Variants in LRIG2 observed in about 807,000 individuals in gnomAD.
LRIG2 encodes the protein leucine-rich repeats and immunoglobulin-like domains protein 2.
LRIG2 carries 93 observed loss-of-function variants against 107.8 expected under a neutral mutation model. The observed-to-expected ratio is 0.86, with a 90% CI of 0.73 to 1.03. LRIG2 has a LOEUF of 1.03. Ranked by LOEUF, LRIG2 falls within the 50% of genes least tolerant of loss-of-function variation. The pLI is 0.00. For synonymous variants in LRIG2, 471 were observed against 470.6 expected, an observed-to-expected ratio of 1.00 and a Z score of -0.01; for missense variants, 1,226 against 1,296.0, an observed-to-expected ratio of 0.95 and a Z score of 0.83.
chr1:113,130,952 GAC>G lies in LRIG2; in HGVS notation c.*6855_*6856del, dbSNP rs1404745001. On this transcript the variant is annotated 3_prime_UTR_variant, in exon 18 of 18. Transcript: ENST00000361127. ...TACTCGATTACTTTTATTTTTTTAAGACACAGTCTCGCTTATTGCCCCGGCTG... is the reference window on the plus strand; with the variant it reads ...TACTCGATTACTTTTATTTTTTTAAGACAGTCTCGCTTATTGCCCCGGCTG... 3 of 48,972 alleles carry G rather than the reference GAC, an allele frequency of 6.1e-5. No individual in the cohort carries two copies. The highest frequency in any genetic ancestry group is 1.2e-4 in the Non-Finnish European group (3 of 25,986). The allele number at this position is 48,972 out of a possible 1,614,324, so 3.0% of individuals were successfully genotyped here. A position where few individuals can be genotyped will look rare whatever the true frequency, so the allele number is the denominator to read the frequency against.
intron 17 of LRIG2, 91 bp downstream of exon 17, chr1:113,119,614 G>A: frequency 8.1e-7 from 1 of 1,229,032 alleles, no homozygotes; most frequent in Middle Eastern, 2.0e-4. Flanking sequence ...CATTTGACAG[G>A]AAGCAAGCAG....
intron 17 of LRIG2, 60 bp downstream of exon 17, chr1:113,119,583 C>G: frequency 6.6e-7 from 1 of 1,504,670 alleles, no homozygotes; most frequent in Non-Finnish European, 9.1e-7. Flanking sequence ...ACTCTTCCTT[C>G]TATCATATAG....
At chr1:113,109,810 T>C (rs1216794) in intron 12 of LRIG2, among the ~76,000 whole-genome samples, 148,315 of 152,296 alleles carry the variant, frequency 0.97, 72,334 homozygotes, top group East Asian at 1. Context: ...TGAGCCACCG[T>C]GCCTGGCCAT....
intron 13 of LRIG2, 50 bp from the exon 14 acceptor site, chr1:113,112,429 G>C (rs767763120): frequency 9.1e-6 from 14 of 1,545,660 alleles, no homozygotes; most frequent in Non-Finnish European, 1.2e-5. Context: ...ATGCATATAT[G>C]TGTCTTTGTT....
Position 113,119,254 on chromosome 1 carries a change from T to A in LRIG2, c.2702T>A (p.Ile901Asn). ...TTAGGTGGCACTGGTACCCGGGTGA[T>A]TTGCTCAGATTGTTATGACAATGCC... is the stretch of plus-strand genomic sequence containing the variant. ...GTDGGTGTRVICSDCYDNANI... is the reference protein window; with the variant it reads ...GTDGGTGTRVNCSDCYDNANI... Residue 901 changes from isoleucine (I) to asparagine (N), a missense_variant, in exon 17 of 18, where the codon ATT becomes AAT. Ile to Asn is a moderately radical substitution (Grantham distance 149). Around this residue, in one of 3 missense-constraint regions of LRIG2, gnomAD observed 642 missense variants for 712.2 expected, o/e 0.90. Transcript: ENST00000361127. 12 of 1,612,242 alleles carry A rather than the reference T, an allele frequency of 7.4e-6. No homozygotes were observed. The highest frequency in any genetic ancestry group is 1.0e-5 in the Non-Finnish European group (12 of 1,178,404).
At chr1:113,110,196 AAAAT>A (rs1322790915) in intron 12 of LRIG2, 42 bp from the exon 13 acceptor site, 3 of 1,372,822 alleles carry the variant, frequency 2.2e-6, no homozygotes, top group Non-Finnish European at 3.0e-6. Flanking sequence ...ATCTAAAGCA[AAAAT>A]AAATAACTGA....
Position 113,093,499 on chromosome 1 carries a change from C to A in LRIG2, c.450C>A (p.Asp150Glu). ...LQFYPALESL[D>E]LSSNIISEIK... is the part of the protein sequence containing the mutation. ...TTTACCCTGCTCTGGAGAGTTTAGA[C>A]CTCAGCTCAAATATAATATCAGAAA... The change falls in exon 4 of 18, where the codon GAC becomes GAA. Residue 150 changes from aspartate to glutamate, a missense_variant. By Grantham distance (45) the Asp-to-Glu change is conservative. Around this residue, in one of 3 missense-constraint regions of LRIG2, gnomAD observed 570 missense variants for 550.2 expected, o/e 1.04. Transcript: ENST00000361127. 1 of 1,611,222 alleles carries A rather than the reference C, an allele frequency of 6.2e-7. No individual in the cohort carries two copies.
intron 13 of LRIG2, among the ~76,000 whole-genome samples, chr1:113,111,142 C>T (rs563272711): frequency 6.6e-6 from 1 of 152,248 alleles, no homozygotes; most frequent in Admixed American, 6.5e-5. Context: ...TCAAGTGATT[C>T]TCCTGTCTCC....
rs1654236273 is a variant in LRIG2 at position 113,099,969 on chromosome 1, T to TAA, written c.1173-242_1173-241insAA. 2.0e-5 allele frequency among the ~76,000 whole-genome samples: 3 copies of TAA among 152,196 alleles called. No individual in the cohort carries two copies. In the South Asian group the frequency reaches 6.2e-4, roughly 32 times the overall value. On this transcript the variant is annotated intron_variant, in intron 9 of 17. Coordinates refer to ENST00000361127, the MANE Select transcript of LRIG2 (RefSeq NM_014813.3). ...GAGCTTTAACATCTTGATAGACACT[T>TAA]TTATGCTATGTTTTGCATTGATTAA...
At chr1:113,086,096 T>C (rs1273796499) in intron 1 of LRIG2, among the ~76,000 whole-genome samples, 2 of 139,044 alleles carry the variant, frequency 1.4e-5, no homozygotes, top group Non-Finnish European at 3.0e-5. Context: ...AACTTCCGCC[T>C]CCTGTTCAAG....
At chr1:113,118,023 G>A (rs180914998) in intron 16 of LRIG2, among the ~76,000 whole-genome samples, 14 of 152,062 alleles carry the variant, frequency 9.2e-5, no homozygotes, top group Non-Finnish European at 1.5e-4. Context: ...CGGTTCAAGC[G>A]ATTCTCCTGC....
At chr1:113,087,529 T>A (rs12068534) in intron 1 of LRIG2, among the ~76,000 whole-genome samples, 3,071 of 152,072 alleles carry the variant, frequency 0.02, 119 homozygotes, top group African/African-American at 0.07. Context: ...TTGTATTTTT[T>A]GTAGAGACGG....
chr1:113,105,430 A>G (rs1654499226), intron 11 of LRIG2, among the ~76,000 whole-genome samples: 1 of 152,154 alleles, frequency 6.6e-6, no homozygotes, highest in South Asian at 2.1e-4. Flanking sequence ...TTTCTACTAT[A>G]ATTATATAAC....
rs1020960690 is a variant in LRIG2, at chr1:113,073,222, T to C, written c.-185T>C. 3 of 600,308 alleles carry C rather than the reference T, an allele frequency of 5.0e-6. No homozygotes were observed. In the African/African-American group the frequency reaches 5.5e-5, roughly 11 times the overall value. The allele number at this position is 600,308 out of a possible 1,614,324, so 37.2% of individuals were successfully genotyped here. ...CGGACGAGAGGTGTCCGTCAGGCCGTGTGTCCCAGGCCGTCGACCCCGCTG... is the reference window on the plus strand; with the variant it reads ...CGGACGAGAGGTGTCCGTCAGGCCGCGTGTCCCAGGCCGTCGACCCCGCTG... On this transcript the variant is annotated 5_prime_UTR_variant, in exon 1 of 18. Coordinates refer to ENST00000361127, the MANE Select transcript of LRIG2 (RefSeq NM_014813.3).
rs1293264839 is a variant in LRIG2 at position 113,116,315 on chromosome 1, C to T, written c.2559C>T (p.Pro853=). The T allele has an allele frequency of 1.2e-6, 2 of 1,613,670 alleles. No individual in the cohort carries two copies. Residue 853 remains proline (P), a synonymous_variant, in exon 16 of 18, where the codon CCC becomes CCT. Transcript: ENST00000361127. Reference sequence around the variant, plus strand: ...AGCTCAATCTGCCTGCAGACATTCCCAGCTACTTGTCTTCCCAAGGAACGC... The same window carrying T: ...AGCTCAATCTGCCTGCAGACATTCCTAGCTACTTGTCTTCCCAAGGAACGC... ...TEELNLPADI[P]SYLSSQGTLS...
intron 1 of LRIG2, among the ~76,000 whole-genome samples, chr1:113,080,760 A>G (rs1408062760): frequency 2.0e-5 from 3 of 151,914 alleles, no homozygotes; most frequent in Non-Finnish European, 4.4e-5. Context: ...TGAATGAATC[A>G]GGGCATTATC....
chr1:113,095,961 T>C lies in LRIG2; in HGVS notation c.891T>C (p.Asn297=). The change falls in exon 7 of 18, where the codon AAT becomes AAC. Residue 297 remains asparagine (N), a synonymous_variant. Transcript: ENST00000361127. ...RMLQQLYVSQ[N]AIERISPDAW... is the part of the protein sequence containing the mutation. ...TACAGCAGCTCTATGTGAGCCAGAA[T>C]GCTATTGAAAGAATCAGCCCTGATG... The C allele has an allele frequency of 6.2e-7, 1 of 1,614,206 alleles. No individual in the cohort carries two copies. The highest frequency in any genetic ancestry group is 8.5e-7 in the Non-Finnish European group (1 of 1,180,030).
intron 13 of LRIG2, 27 bp downstream of exon 13, chr1:113,110,589 T>C: frequency 1.3e-6 from 2 of 1,517,010 alleles, no homozygotes. Flanking sequence ...CTTGATTTTT[T>C]TTAGTTTAGA....
At chr1:113,091,213 T>C in intron 1 of LRIG2, 105 bp from the exon 2 acceptor site, 2 of 669,586 alleles carry the variant, frequency 3.0e-6, no homozygotes, top group Non-Finnish European at 4.9e-6. Context: ...CATGAGCCAC[T>C]GTACCTGGCC....
Sources: allele counts gnomAD v4.1 joint callset (sites outside exome capture counted in the v4.1 genomes callset), GRCh38; gene constraint gnomAD v4.1.1; regional missense constraint gnomAD v4.1.1; transcripts MANE v1.5; gene names NCBI Gene and HGNC (gene_info 2026-07-23, HGNC 2026-07-21).